The following GMDS variants were observed in gnomAD, a reference collection of about 807,000 sequenced individuals.
GMDS encodes GDP-mannose 4,6 dehydratase.
Under a neutral mutation model 49.9 loss-of-function variants are expected in GMDS, and 20 were observed. The ratio of observed to expected loss-of-function variants is 0.40; its 90% CI spans 0.28 to 0.58. The LOEUF (loss-of-function observed/expected upper bound fraction) is 0.58, where lower values mean the gene tolerates loss of function less well. Among genes scored for constraint, GMDS ranks in the 20% least tolerant of loss-of-function variants. GMDS has a pLI of 0.42. For missense variants in GMDS, 362 were observed against 481.4 expected (o/e 0.75, Z 2.32); for synonymous variants, 177 against 178.6 (o/e 0.99, Z 0.07).
In GMDS at chr6:1,799,960, T is replaced by A. The variant is rs563515169; in HGVS notation, c.772-57374A>T. 2.6e-5 allele frequency among the ~76,000 whole-genome samples: 4 copies of A among 152,280 alleles called. No individual in the cohort carries two copies. In the South Asian group the frequency reaches 8.3e-4, roughly 32 times the overall value. ...TTAAGATAGTAGGTCATTCATACCTTAATGTCTTTTTTTAAAAAAAATTAA... is the reference window on the plus strand; with the variant it reads ...TTAAGATAGTAGGTCATTCATACCTAAATGTCTTTTTTTAAAAAAAATTAA... On this transcript the variant is annotated intron_variant, in intron 7 of 10. Coordinates refer to ENST00000380815, the MANE Select transcript of GMDS (RefSeq NM_001500.4).
At chr6:1,967,201 T>C (rs1360158672) in intron 4 of GMDS, among the ~76,000 whole-genome samples, 1 of 152,196 alleles carries the variant, frequency 6.6e-6, no homozygotes, top group Admixed American at 6.5e-5. Flanking sequence ...CTGCTTCATT[T>C]CACGTTAACT....
intron 7 of GMDS, among the ~76,000 whole-genome samples, chr6:1,918,457 A>G (rs959456640): frequency 4.6e-5 from 7 of 152,198 alleles, no homozygotes; most frequent in African/African-American, 1.7e-4. Flanking sequence ...CTTTAAAAAT[A>G]AGAATAAGGC....
intron 7 of GMDS, among the ~76,000 whole-genome samples, chr6:1,832,062 G>C (rs1756672380): frequency 6.6e-6 from 1 of 151,950 alleles, no homozygotes; most frequent in South Asian, 2.1e-4. Flanking sequence ...GTAGGGTACA[G>C]AATTAAAATC....
intron 1 of GMDS, among the ~76,000 whole-genome samples, chr6:2,170,221 G>T (rs1777914299): frequency 6.6e-6 from 1 of 151,334 alleles, no homozygotes; most frequent in South Asian, 2.1e-4. Flanking sequence ...AAAAAAGAGA[G>T]AAAGAAAGAA....
chr6:1,892,542 A>G (rs1759921251), intron 7 of GMDS, among the ~76,000 whole-genome samples: 1 of 152,110 alleles, frequency 6.6e-6, no homozygotes, highest in Non-Finnish European at 1.5e-5. Flanking sequence ...TATTTTTAGT[A>G]GAAATGGGGT....
chr6:2,062,926 T>C (rs1477497185), intron 4 of GMDS, among the ~76,000 whole-genome samples: 1 of 152,252 alleles, frequency 6.6e-6, no homozygotes, highest in Non-Finnish European at 1.5e-5. Flanking sequence ...TTGTAAGGGT[T>C]GGCAATATCA....
chr6:2,044,561 A>G (rs569376314), intron 4 of GMDS, among the ~76,000 whole-genome samples: 10 of 152,304 alleles, frequency 6.6e-5, no homozygotes, highest in Admixed American at 6.5e-4. Context: ...GGGGCTTCCC[A>G]GAGGGTGGAG....
At chr6:1,993,095 C>T (rs996527745) in intron 4 of GMDS, among the ~76,000 whole-genome samples, 8 of 152,118 alleles carry the variant, frequency 5.3e-5, no homozygotes, top group Admixed American at 1.3e-4. Flanking sequence ...CTCTCGGGAA[C>T]GCTCACAGTG....
intron 9 of GMDS, among the ~76,000 whole-genome samples, chr6:1,694,567 C>T (rs1057006956): frequency 1.4e-4 from 21 of 152,288 alleles, no homozygotes; most frequent in Middle Eastern, 3.4e-3. Context: ...CAAACATATG[C>T]TTTTAATGGC....
chr6:2,000,842 G>C (rs1766772103), intron 4 of GMDS, among the ~76,000 whole-genome samples: 1 of 152,128 alleles, frequency 6.6e-6, no homozygotes, highest in African/African-American at 2.4e-5. Flanking sequence ...TCCTTTCTAA[G>C]AAATACTATT....
chr6:1,670,237 G>A (rs1179123308), intron 9 of GMDS, among the ~76,000 whole-genome samples: 1 of 152,174 alleles, frequency 6.6e-6, no homozygotes, highest in Non-Finnish European at 1.5e-5. Context: ...GGTGTGAAAT[G>A]ACTGTAATGA....
intron 7 of GMDS, among the ~76,000 whole-genome samples, chr6:1,830,376 T>C (rs113250211): frequency 3.3e-5 from 5 of 152,338 alleles, no homozygotes; most frequent in South Asian, 2.1e-4. Context: ...ATTCCCCCAG[T>C]AGCGACAACC....
At chr6:1,942,816 A>C (rs753892455) in intron 6 of GMDS, among the ~76,000 whole-genome samples, 2 of 152,218 alleles carry the variant, frequency 1.3e-5, no homozygotes, top group Non-Finnish European at 2.9e-5. Flanking sequence ...ACTTAAGCTT[A>C]GCGTGAGGTT....
Position 1,914,138 on chromosome 6 carries a change from T to G in GMDS, c.771+15965A>C, listed in dbSNP as rs560019906. Among the ~76,000 whole-genome samples, 45 of 123,812 alleles carry G rather than the reference T, an allele frequency of 3.6e-4. No individual in the cohort carries two copies. In the South Asian group the frequency reaches 5.9e-3, roughly 16 times the overall value. The allele number at this position is 123,812 out of a possible 152,430, so 81.2% of individuals were successfully genotyped here. A position where few individuals can be genotyped will look rare whatever the true frequency, so the allele number is the denominator to read the frequency against. On this transcript the variant is annotated intron_variant, in intron 7 of 10. Coordinates refer to ENST00000380815, the MANE Select transcript of GMDS (RefSeq NM_001500.4). ...TGAAAGCGTTTTTTGTTTGTTTTTT[T>G]TTTTTTTTTTTTTTTTTTTAATTAA...
intron 9 of GMDS, among the ~76,000 whole-genome samples, chr6:1,627,216 A>C (rs1274772557): frequency 1.3e-5 from 2 of 152,212 alleles, no homozygotes; most frequent in African/African-American, 2.4e-5. Flanking sequence ...TTCCTGAAGG[A>C]ATTTCTTACT....
At chr6:1,672,170 G>A (rs963019280) in intron 9 of GMDS, among the ~76,000 whole-genome samples, 7 of 152,156 alleles carry the variant, frequency 4.6e-5, no homozygotes, top group East Asian at 3.8e-4. Context: ...CTTCAGAGAC[G>A]ACGACTGTGG....
chr6:1,833,278 G>C lies in GMDS; in HGVS notation c.772-90692C>G, dbSNP rs1426232873. Among the ~76,000 whole-genome samples the C allele has an allele frequency of 6.6e-6, 1 of 151,942 alleles. No homozygotes were observed. Among genetic ancestry groups the C allele is most frequent in the Non-Finnish European group, 1.5e-5 (1 of 67,998 alleles). On this transcript the variant is annotated intron_variant, in intron 7 of 10. Transcript: ENST00000380815. The surrounding 1 kb of genome is among the most constrained non-coding windows in gnomAD (Gnocchi z 4.4). ...AAACTACACGTGTCAGTGACTTCCA[G>C]AGAAGGGGAGGCCCCAGAACAACAC...
At chr6:1,799,900 T>C (rs1019670212) in intron 7 of GMDS, among the ~76,000 whole-genome samples, 14 of 152,238 alleles carry the variant, frequency 9.2e-5, no homozygotes, top group Admixed American at 2.6e-4. Flanking sequence ...TTATATCGGT[T>C]GGAGATTTGT....
In GMDS at chr6:2,112,110, G is replaced by A. The variant is rs17134685; in HGVS notation, c.345+3661C>T. 2.4e-3 allele frequency among the ~76,000 whole-genome samples: 372 copies of A among 152,294 alleles called. 2 individuals carry two copies. The highest frequency in any genetic ancestry group is 8.7e-3 in the African/African-American group (360 of 41,562). On this transcript the variant is annotated intron_variant, in intron 4 of 10. Coordinates refer to ENST00000380815, the MANE Select transcript of GMDS (RefSeq NM_001500.4). ...AACAGTGGTATGGAACAGGGATTTC[G>A]AAGGACATTCTAAGAGGAGCTGTTC...
Sources: gnomAD v4.1 joint callset for allele counts (sites outside exome capture counted in the v4.1 genomes callset) on GRCh38, gnomAD v4.1.1 for gene constraint, Gnocchi (gnomAD v3.1) non-coding constraint, MANE v1.5 for transcripts, NCBI Gene and HGNC (gene_info 2026-07-23, HGNC 2026-07-21) for gene names.